The following IGSF3 variants were observed in gnomAD, a reference collection of about 807,000 sequenced individuals.
IGSF3 encodes the protein glu-Trp-Ile EWI motif-containing protein 3.
In IGSF3, 23 loss-of-function variants were observed where a neutral mutation model predicts 114.4. The observed-to-expected ratio is 0.20, with a 90% CI of 0.14 to 0.28. The LOEUF is 0.28. Ranked by LOEUF, IGSF3 falls within the 10% of genes least tolerant of loss-of-function variation. IGSF3 has a pLI of 1.00. For missense variants in IGSF3, 1,172 were observed against 1,591.5 expected (o/e 0.74, Z 4.48); for synonymous variants, 571 against 645.2 (o/e 0.88, Z 1.74).
In IGSF3 at chr1:116,575,366, T is replaced by C. The variant is rs1423196130; in HGVS notation, c.*1946A>G. Reference sequence around the variant, plus strand: ...CACTGTCTCACAGGAGGGTACGGTATACTTGGGGGAGAAAAGGCAGGTCTG... The same window carrying C: ...CACTGTCTCACAGGAGGGTACGGTACACTTGGGGGAGAAAAGGCAGGTCTG... On this transcript the variant is annotated 3_prime_UTR_variant, in exon 11 of 11. Coordinates refer to ENST00000369486, the MANE Select transcript of IGSF3 (RefSeq NM_001007237.3). The surrounding 1 kb of genome is among the most constrained non-coding windows in gnomAD (Gnocchi z 5.6). 6.6e-6 allele frequency: 1 copy of C among 152,664 alleles called. No homozygotes were observed. Among genetic ancestry groups the C allele is most frequent in the Non-Finnish European group, 1.5e-5 (1 of 68,060 alleles). The allele number at this position is 152,664 out of a possible 1,614,324, so 9.5% of individuals were successfully genotyped here.
chr1:116,577,213 A>C lies in IGSF3; in HGVS notation c.*99T>G. ...TTTCAAGTCTGACAACTTTCCACAC[A>C]CATGCACCCCAGAGTTTGGGTGCTG... On this transcript the variant is annotated 3_prime_UTR_variant, in exon 11 of 11. Coordinates refer to ENST00000369486, the MANE Select transcript of IGSF3 (RefSeq NM_001007237.3). The surrounding 1 kb of genome is among the most constrained non-coding windows in gnomAD (Gnocchi z 5.7). The C allele has an allele frequency of 7.4e-7, 1 of 1,345,430 alleles. No homozygotes were observed. Among genetic ancestry groups the C allele is most frequent in the Non-Finnish European group, 1.0e-6 (1 of 979,528 alleles). 83.3% of individuals were successfully genotyped at this position (1,345,430 alleles called of 1,614,324 possible). A position where few individuals can be genotyped will look rare whatever the true frequency, so the allele number is the denominator to read the frequency against.
rs180967017 is a variant in IGSF3 at position 116,601,897 on chromosome 1, G to A, written c.1625-1552C>T. On this transcript the variant is annotated intron_variant, in intron 6 of 10. Coordinates refer to ENST00000369486, the MANE Select transcript of IGSF3 (RefSeq NM_001007237.3). ...TGGCCTCACACCTGAAGGGGAGAGA[G>A]CTTCCCCAAGCAAATGACTTTGTCT... 1.3e-3 allele frequency among the ~76,000 whole-genome samples: 195 copies of A among 152,270 alleles called. 1 individual carries two copies. Among genetic ancestry groups the A allele is most frequent in the Middle Eastern group, 3.4e-3 (1 of 294 alleles).
chr1:116,628,787 C>T lies in IGSF3; in HGVS notation c.44-12330G>A, dbSNP rs1441361042. On this transcript the variant is annotated intron_variant, in intron 2 of 10. Transcript: ENST00000369486. This position sits in a 1 kb window ranked among gnomAD's most constrained non-coding sequence, Gnocchi z 4.2. ...GTGGCTCAGGCTCCTGTGCTTGGCTCTCATCAGTGGGTAGCCCTGGATTGG... is the reference window on the plus strand; with the variant it reads ...GTGGCTCAGGCTCCTGTGCTTGGCTTTCATCAGTGGGTAGCCCTGGATTGG... Among the ~76,000 whole-genome samples, 9 of 152,170 alleles carry T rather than the reference C, an allele frequency of 5.9e-5. No homozygotes were observed. Among genetic ancestry groups the T allele is most frequent in the Non-Finnish European group, 8.8e-5 (6 of 68,032 alleles).
chr1:116,582,074 C>T lies in IGSF3; in HGVS notation c.2849-2197G>A, dbSNP rs1659624384. Reference sequence around the variant, plus strand: ...TCCCTTTGCTTTCTTGTCTTCTAACCGCTTAACATTTTTCTTGGCCCCTTC... The same window carrying T: ...TCCCTTTGCTTTCTTGTCTTCTAACTGCTTAACATTTTTCTTGGCCCCTTC... On this transcript the variant is annotated intron_variant, in intron 9 of 10. Coordinates refer to ENST00000369486, the MANE Select transcript of IGSF3 (RefSeq NM_001007237.3). This position sits in a 1 kb window ranked among gnomAD's most constrained non-coding sequence, Gnocchi z 4.7. Among the ~76,000 whole-genome samples, 2 of 152,290 alleles carry T rather than the reference C, an allele frequency of 1.3e-5. No individual in the cohort carries two copies. Among genetic ancestry groups the T allele is most frequent in the South Asian group, 2.1e-4 (1 of 4,824 alleles).
chr1:116,609,665 T>C (rs1430536550), intron 4 of IGSF3, among the ~76,000 whole-genome samples: 1 of 152,068 alleles, frequency 6.6e-6, no homozygotes, highest in African/African-American at 2.4e-5. Context: ...GGCAGAGACG[T>C]TTGAATTCCA....
intron 2 of IGSF3, among the ~76,000 whole-genome samples, chr1:116,660,856 T>C (rs529946875): frequency 7.7e-4 from 118 of 152,364 alleles, no homozygotes; most frequent in African/African-American, 2.8e-3. Flanking sequence ...CAAATGTGAA[T>C]TCAAATTCAG....
In IGSF3 at chr1:116,592,843, T is replaced by C. The variant is rs182627313; in HGVS notation, c.2030-3739A>G. On this transcript the variant is annotated intron_variant, in intron 7 of 10. Coordinates refer to ENST00000369486, the MANE Select transcript of IGSF3 (RefSeq NM_001007237.3). This position sits in a 1 kb window ranked among gnomAD's most constrained non-coding sequence, Gnocchi z 4.5. ...CATTGTTAAACTAATCAATGAATGG[T>C]TGAATAAATGTGGTTACTTTTCAAA... 1.1e-4 allele frequency among the ~76,000 whole-genome samples: 16 copies of C among 152,206 alleles called. No individual in the cohort carries two copies. Among genetic ancestry groups the C allele is most frequent in the African/African-American group, 3.9e-4 (16 of 41,514 alleles).
intron 2 of IGSF3, among the ~76,000 whole-genome samples, chr1:116,666,076 C>T (rs765976387): frequency 9.8e-5 from 15 of 152,286 alleles, no homozygotes; most frequent in Non-Finnish European, 1.9e-4. Context: ...GCAAATGTTC[C>T]TTCTTATAGA....
chr1:116,667,309 C>A (rs1051097918), intron 1 of IGSF3, among the ~76,000 whole-genome samples: 1 of 152,184 alleles, frequency 6.6e-6, no homozygotes, highest in African/African-American at 2.4e-5. Flanking sequence ...CCCGCCCCAA[C>A]CGTGGGAGCT....
chr1:116,630,746 G>A (rs796903891), intron 2 of IGSF3, among the ~76,000 whole-genome samples: 11 of 152,328 alleles, frequency 7.2e-5, no homozygotes, highest in African/African-American at 2.6e-4. Flanking sequence ...TGTTCCATGG[G>A]CGTCAGGAAA....
At position 116,628,879 on chromosome 1, in the gene IGSF3, G is replaced by A. The variant is rs1647425755; in HGVS notation, c.44-12422C>T. Among the ~76,000 whole-genome samples the A allele has an allele frequency of 6.6e-6, 1 of 152,148 alleles. No individual in the cohort carries two copies. On this transcript the variant is annotated intron_variant, in intron 2 of 10. Transcript: ENST00000369486. This position sits in a 1 kb window ranked among gnomAD's most constrained non-coding sequence, Gnocchi z 4.2. ...AACTATGACCAGGCAGTAGGCAGTG[G>A]GCCCTGCTCATTCTTTCTAGGGAGG...
Position 116,613,954 on chromosome 1 carries a change from T to C in IGSF3, c.643A>G (p.Ser215Gly). Reference sequence around the variant, plus strand: ...TTGTCCAGCCGCACCTCCCCCAGGCTCTGCCTCTGGGCATATTCGCTGCTG... The same window carrying C: ...TTGTCCAGCCGCACCTCCCCCAGGCCCTGCCTCTGGGCATATTCGCTGCTG... ...HSSSEYAQRQ[S>G]LGEVRLDKLG... Residue 215 changes from serine to glycine, a missense_variant, in exon 4 of 11, where the codon AGC (serine) becomes GGC (glycine). This residue lies in a region of IGSF3 where 736 missense variants were observed against 1,042.0 expected (regional missense o/e 0.71). Coordinates refer to ENST00000369486, the MANE Select transcript of IGSF3 (RefSeq NM_001007237.3). 6.2e-7 allele frequency: 1 copy of C among 1,613,932 alleles called. No individual in the cohort carries two copies. The highest frequency in any genetic ancestry group is 1.3e-5 in the African/African-American group (1 of 75,060).
At position 116,615,051 on chromosome 1, in the gene IGSF3, G is replaced by A. The variant is rs1661166219; in HGVS notation, c.422-876C>T. Among the ~76,000 whole-genome samples, 2 of 152,010 alleles carry A rather than the reference G, an allele frequency of 1.3e-5. No individual in the cohort carries two copies. The highest frequency in any genetic ancestry group is 1.3e-4 in the Admixed American group (2 of 15,274). On this transcript the variant is annotated intron_variant, in intron 3 of 10. Transcript: ENST00000369486. The surrounding 1 kb of genome is among the most constrained non-coding windows in gnomAD (Gnocchi z 4.3). Reference sequence around the variant, plus strand: ...ACACTTTGGGAGGGTGAGGGAGGCGGATCACCTGAGGTCGGGAGTTCGAGA... The same window carrying A: ...ACACTTTGGGAGGGTGAGGGAGGCGAATCACCTGAGGTCGGGAGTTCGAGA...
Position 116,603,808 on chromosome 1 carries a change from G to A in IGSF3, c.1440C>T (p.Ser480=). Residue 480 remains serine (S), a synonymous_variant, in exon 6 of 11, where the codon AGC becomes AGT. Transcript: ENST00000369486. The surrounding 1 kb of genome is among the most constrained non-coding windows in gnomAD (Gnocchi z 7.1). ...CCTGCTCCATCTGGACGCCCCCAAAGCTGCTGCGCTCCCAGTAGGACGAGC... is the reference window on the plus strand; with the variant it reads ...CCTGCTCCATCTGGACGCCCCCAAAACTGCTGCGCTCCCAGTAGGACGAGC... ...QPGSSYWERS[S]FGGVQMEQVQ... is the part of the protein sequence containing the mutation. The A allele has an allele frequency of 6.2e-7, 1 of 1,614,024 alleles. No homozygotes were observed. Among genetic ancestry groups the A allele is most frequent in the African/African-American group, 1.3e-5 (1 of 75,050 alleles).
rs920067541 is a variant in IGSF3, at chr1:116,618,940, G to A, written c.44-2483C>T. Among the ~76,000 whole-genome samples, 5 of 152,160 alleles carry A rather than the reference G, an allele frequency of 3.3e-5. No individual in the cohort carries two copies. Among genetic ancestry groups the A allele is most frequent in the Non-Finnish European group, 7.3e-5 (5 of 68,028 alleles). On this transcript the variant is annotated intron_variant, in intron 2 of 10. Transcript: ENST00000369486. The surrounding 1 kb of genome is among the most constrained non-coding windows in gnomAD (Gnocchi z 4.7). ...GCTTCTCAATCCTGGACCTACACTGGAATCACCTGGGGAGCTTTAAAGAAC... is the reference window on the plus strand; with the variant it reads ...GCTTCTCAATCCTGGACCTACACTGAAATCACCTGGGGAGCTTTAAAGAAC...
At position 116,612,127 on chromosome 1, in the gene IGSF3, G is replaced by C. The variant is rs1185361052; in HGVS notation, c.832+1638C>G. 1.3e-5 allele frequency among the ~76,000 whole-genome samples: 2 copies of C among 152,010 alleles called. No homozygotes were observed. Among genetic ancestry groups the C allele is most frequent in the Non-Finnish European group, 2.9e-5 (2 of 67,998 alleles). ...AAATTGGTAAGATTAAAATAAAGAA[G>C]ATTAACTGATGCAACCTAATTTAAA... On this transcript the variant is annotated intron_variant, in intron 4 of 10. Coordinates refer to ENST00000369486, the MANE Select transcript of IGSF3 (RefSeq NM_001007237.3). This position sits in a 1 kb window ranked among gnomAD's most constrained non-coding sequence, Gnocchi z 4.1.
chr1:116,662,559 C>A lies in IGSF3; in HGVS notation c.43+3725G>T, dbSNP rs989052893. Among the ~76,000 whole-genome samples the A allele has an allele frequency of 7.2e-5, 11 of 152,178 alleles. No individual in the cohort carries two copies. The highest frequency in any genetic ancestry group is 2.4e-4 in the African/African-American group (10 of 41,432). On this transcript the variant is annotated intron_variant, in intron 2 of 10. Coordinates refer to ENST00000369486, the MANE Select transcript of IGSF3 (RefSeq NM_001007237.3). This position sits in a 1 kb window ranked among gnomAD's most constrained non-coding sequence, Gnocchi z 4.3. ...ACCAGCAGTCTTGCTGCCATGAAAA[C>A]CGTAGAAGATGGCAACATCTTAACA... is the stretch of plus-strand genomic sequence containing the variant.
chr1:116,599,366 G>A (rs1419269120), intron 7 of IGSF3, among the ~76,000 whole-genome samples: 3 of 148,826 alleles, frequency 2.0e-5, no homozygotes, highest in African/African-American at 7.7e-5. Context: ...TTTCACAAAT[G>A]TCCATGTCTA....
At position 116,615,689 on chromosome 1, in the gene IGSF3, G is replaced by A. The variant is rs904612220; in HGVS notation, c.421+391C>T. Among the ~76,000 whole-genome samples the A allele has an allele frequency of 6.6e-5, 10 of 152,210 alleles. No individual in the cohort carries two copies. The highest frequency in any genetic ancestry group is 1.3e-4 in the Non-Finnish European group (9 of 68,040). ...TTCCTGCTTCAGCAGTGCCCCGTGG[G>A]TCTCAGAGCTGCCCAAAGGCCTATC... is the stretch of plus-strand genomic sequence containing the variant. On this transcript the variant is annotated intron_variant, in intron 3 of 10. Transcript: ENST00000369486. This position sits in a 1 kb window ranked among gnomAD's most constrained non-coding sequence, Gnocchi z 4.3.
Sources: allele counts gnomAD v4.1 joint callset (sites outside exome capture counted in the v4.1 genomes callset), GRCh38; gene constraint gnomAD v4.1.1; regional missense constraint gnomAD v4.1.1; non-coding constraint Gnocchi (gnomAD v3.1); transcripts MANE v1.5; gene names NCBI Gene and HGNC (gene_info 2026-07-23, HGNC 2026-07-21).